The following PRDM16 variants were observed in gnomAD, a reference collection of about 807,000 sequenced individuals.
PRDM16 encodes the protein histone-lysine N-methyltransferase PRDM16.
In PRDM16, 23 loss-of-function variants were observed where a neutral mutation model predicts 110.6. That is an observed-to-expected ratio of 0.21 (90% confidence interval 0.15 to 0.29). The LOEUF (loss-of-function observed/expected upper bound fraction) is 0.29. PRDM16 is among the 10% of genes least tolerant of loss of function. PRDM16 has a pLI of 1.00. For synonymous variants in PRDM16, 799 were observed against 781.8 expected (o/e 1.02, Z -0.37); for missense variants, 1,615 against 1,794.3 (o/e 0.90, Z 1.81).
chr1:3,332,685 C>A (rs1053284337), intron 3 of PRDM16, among the ~76,000 whole-genome samples: 24 of 152,124 alleles, frequency 1.6e-4, no homozygotes, highest in African/African-American at 5.8e-4. Context: ...TTCCGAGAGG[C>A]TTTCACCACC....
intron 1 of PRDM16, among the ~76,000 whole-genome samples, chr1:3,116,506 G>A (rs527609079): frequency 2.0e-5 from 3 of 152,168 alleles, no homozygotes; most frequent in South Asian, 2.1e-4. Flanking sequence ...GTCCTGGTCT[G>A]GGCTCTGTCA....
At position 3,209,691 on chromosome 1, in the gene PRDM16, G is replaced by A. The variant is rs943407335; in HGVS notation, c.387+23217G>A. 4.6e-5 allele frequency among the ~76,000 whole-genome samples: 7 copies of A among 152,150 alleles called. No homozygotes were observed. The highest frequency in any genetic ancestry group is 1.7e-4 in the African/African-American group (7 of 41,430). On this transcript the variant is annotated intron_variant, in intron 2 of 16. Transcript: ENST00000270722. This position sits in a 1 kb window ranked among gnomAD's most constrained non-coding sequence, Gnocchi z 4.6. ...CTTCTGGAGAGGTTTAGTTGTCAAC[G>A]GCCACCAGGAACCACAGCCCTCCCG...
intron 3 of PRDM16, among the ~76,000 whole-genome samples, chr1:3,314,045 C>T (rs988543491): frequency 2.7e-5 from 4 of 146,398 alleles, no homozygotes; most frequent in East Asian, 2.1e-4. Context: ...ATGGGACCCT[C>T]GCCCCCGAAT....
chr1:3,164,888 G>T (rs541058964), intron 1 of PRDM16, among the ~76,000 whole-genome samples: 1 of 152,186 alleles, frequency 6.6e-6, no homozygotes, highest in Non-Finnish European at 1.5e-5. Flanking sequence ...TGGGAAGGCC[G>T]TCGCCACCGT....
intron 3 of PRDM16, among the ~76,000 whole-genome samples, chr1:3,269,636 GTCCC>G (rs1640384579): frequency 9.0e-6 from 1 of 111,116 alleles, no homozygotes; most frequent in African/African-American, 5.1e-5. Flanking sequence ...GAGGAGCACA[GTCCC>G]GGAGGAGGAC....
intron 3 of PRDM16, among the ~76,000 whole-genome samples, chr1:3,381,454 G>A (rs1046933693): frequency 8.7e-5 from 13 of 149,286 alleles, no homozygotes; most frequent in Non-Finnish European, 1.8e-4. Context: ...CCAGGCTGGA[G>A]TGCAGTGGCG....
At chr1:3,137,477 G>A (rs573401625) in intron 1 of PRDM16, among the ~76,000 whole-genome samples, 1 of 152,318 alleles carries the variant, frequency 6.6e-6, no homozygotes, top group Admixed American at 6.5e-5. Context: ...GAACATTCCA[G>A]CAGCAGCACC....
intron 3 of PRDM16, among the ~76,000 whole-genome samples, chr1:3,331,484 G>A (rs565706324): frequency 2.6e-5 from 4 of 152,276 alleles, no homozygotes; most frequent in East Asian, 3.9e-4. Context: ...ACAGATGAGC[G>A]AATAGCCCAG....
At chr1:3,404,925 C>A in intron 7 of PRDM16, 39 bp downstream of exon 7, 1 of 1,597,586 alleles carries the variant, frequency 6.3e-7, no homozygotes, top group South Asian at 1.1e-5. Flanking sequence ...CCCGGGGCAG[C>A]AGGAGGCTGC....
chr1:3,269,576 CCGGAGGAGGACAG>C (rs1358614855), intron 3 of PRDM16, among the ~76,000 whole-genome samples: 1 of 140,832 alleles, frequency 7.1e-6, no homozygotes, highest in Non-Finnish European at 1.5e-5. Flanking sequence ...GAGGACAGTC[CCGGAGGAGGACAG>C]TCGGGAGGAG....
At chr1:3,427,382 C>T (rs1638639978) in intron 14 of PRDM16, among the ~76,000 whole-genome samples, 1 of 152,170 alleles carries the variant, frequency 6.6e-6, no homozygotes. Flanking sequence ...CTTGCTCAGG[C>T]CCAGAACCTA....
intron 3 of PRDM16, among the ~76,000 whole-genome samples, chr1:3,268,285 T>C (rs1640344787): frequency 6.6e-6 from 1 of 152,242 alleles, no homozygotes; most frequent in South Asian, 2.1e-4. Flanking sequence ...GCAGAGTCTT[T>C]GTCAGGCTCC....
chr1:3,345,465 C>T (rs929793615), intron 3 of PRDM16, among the ~76,000 whole-genome samples: 3 of 152,198 alleles, frequency 2.0e-5, no homozygotes, highest in African/African-American at 7.2e-5. Context: ...TTCTGTCATC[C>T]TTGCCATAGC....
intron 1 of PRDM16, among the ~76,000 whole-genome samples, chr1:3,161,913 T>C (rs1643900728): frequency 1.3e-5 from 2 of 152,164 alleles, no homozygotes; most frequent in Non-Finnish European, 2.9e-5. Context: ...GTGGAGATGA[T>C]TGGGTTTGGA....
intron 1 of PRDM16, among the ~76,000 whole-genome samples, chr1:3,158,059 C>T (rs1364318892): frequency 6.6e-6 from 1 of 152,218 alleles, no homozygotes; most frequent in African/African-American, 2.4e-5. Context: ...TATACTTTTT[C>T]AGTCCTGTGC....
chr1:3,301,416 T>G (rs2100390462), intron 3 of PRDM16, among the ~76,000 whole-genome samples: 1 of 145,840 alleles, frequency 6.9e-6, no homozygotes, highest in South Asian at 2.2e-4. Flanking sequence ...GAAAAGCCAA[T>G]AAATGCATTT....
intron 3 of PRDM16, among the ~76,000 whole-genome samples, chr1:3,302,626 G>A (rs1641230338): frequency 6.6e-6 from 1 of 152,182 alleles, no homozygotes; most frequent in Non-Finnish European, 1.5e-5. Flanking sequence ...GCTGCCCTAA[G>A]ACATGTAATT....
chr1:3,102,370 C>A (rs531526978), intron 1 of PRDM16, among the ~76,000 whole-genome samples: 1 of 152,182 alleles, frequency 6.6e-6, no homozygotes, highest in Admixed American at 6.5e-5. Context: ...AGGATGGAGT[C>A]CTGGAATAAA....
chr1:3,146,813 G>A, intron 1 of PRDM16, among the ~76,000 whole-genome samples: 1 of 141,062 alleles, frequency 7.1e-6, no homozygotes, highest in Non-Finnish European at 1.6e-5. Flanking sequence ...GTACGTGTGT[G>A]CTCAGTATGG....
Sources: allele counts gnomAD v4.1 joint callset (sites outside exome capture counted in the v4.1 genomes callset), GRCh38; gene constraint gnomAD v4.1.1; non-coding constraint Gnocchi (gnomAD v3.1); transcripts MANE v1.5; gene names NCBI Gene and HGNC (gene_info 2026-07-23, HGNC 2026-07-21).